CD4: variants seen among roughly 807,000 people sequenced by gnomAD.
CD4 encodes T-cell surface glycoprotein CD4.
Under a neutral mutation model 50.5 loss-of-function variants are expected in CD4, and 25 were observed. The observed-to-expected ratio is 0.49, with a 90% confidence interval of 0.36 to 0.69. The LOEUF is 0.69. Ranked by LOEUF, CD4 falls within the 30% of genes least tolerant of loss-of-function variation. The pLI is 0.00. For synonymous variants in CD4, 207 were observed against 221.9 expected (o/e 0.93, Z 0.60); for missense variants, 456 against 548.5 (o/e 0.83, Z 1.68).
intron 3 of CD4, among the ~76,000 whole-genome samples, chr12:6,805,427 G>A (rs1289319814): frequency 2.0e-5 from 3 of 151,762 alleles, no homozygotes; most frequent in East Asian, 3.9e-4. Flanking sequence ...GGCAGGTGTT[G>A]TGGCGCATGC....
In CD4 at chr12:6,794,776, TTTTTTTTTTG is replaced by T. The variant is rs1457546724; in HGVS notation, c.-68+5124_-68+5133del. On this transcript the variant is annotated intron_variant, in intron 1 of 9. Transcript: ENST00000011653. Reference sequence around the variant, plus strand: ...TCTAATCTATCTGTCTGTATGTCTGTTTTTTTTTTGTTTTTTTTTTTTTTTTGAGATAGAG... The same window carrying T: ...TCTAATCTATCTGTCTGTATGTCTGTTTTTTTTTTTTTTTTTGAGATAGAG... 3.2e-5 allele frequency among the ~76,000 whole-genome samples: 4 copies of T among 126,156 alleles called. 1 individual carries two copies. The highest frequency in any genetic ancestry group is 5.1e-5 in the Non-Finnish European group (3 of 58,568). The allele number at this position is 126,156 out of a possible 152,430, so 82.8% of individuals were successfully genotyped here.
In CD4 at chr12:6,818,312, C is replaced by CT. The variant is rs1943158941; in HGVS notation, c.1157-109_1157-108insT. ...CCCCAGGCACCCCTCCCCTCTCCCC[C>CT]AACCCCAGGGTCAAACCAGAGACTG... On this transcript the variant is annotated intron_variant, in intron 7 of 9. Transcript: ENST00000011653. This position sits in a 1 kb window ranked among gnomAD's most constrained non-coding sequence, Gnocchi z 5.0. The CT allele has an allele frequency of 2.1e-6, 3 of 1,453,862 alleles. No individual in the cohort carries two copies. The Admixed American group carries it at 5.5e-5, about 27-fold the overall frequency. The allele number at this position is 1,453,862 out of a possible 1,614,324, so 90.1% of individuals were successfully genotyped here.
intron 3 of CD4, among the ~76,000 whole-genome samples, chr12:6,811,776 G>T (rs1005498541): frequency 6.6e-6 from 1 of 151,164 alleles, no homozygotes; most frequent in Non-Finnish European, 1.5e-5. Flanking sequence ...CTCCCAAAGT[G>T]CTGGGATTTC....
Position 6,817,191 on chromosome 12 carries a change from G to A in CD4, c.1017G>A (p.Met339Ile). 6.2e-7 allele frequency: 1 copy of A among 1,614,078 alleles called. No homozygotes were observed. ...EVWGPTSPKL[M>I]LSLKLENKEA... ...GGGGACCCACCTCCCCTAAGCTGATGCTGAGTTTGAAACTGGAGAACAAGG... is the reference window on the plus strand; with the variant it reads ...GGGGACCCACCTCCCCTAAGCTGATACTGAGTTTGAAACTGGAGAACAAGG... The change falls in exon 7 of 10, where the codon ATG becomes ATA. Residue 339 changes from methionine (M) to isoleucine (I), a missense_variant. Physicochemically the swap from Met to Ile is conservative, Grantham distance 10. Coordinates refer to ENST00000011653, the MANE Select transcript of CD4 (RefSeq NM_000616.5).
In CD4 at chr12:6,800,909, T is replaced by A. The variant is rs1282410556; in HGVS notation, c.214+438T>A. On this transcript the variant is annotated intron_variant, in intron 3 of 9. Transcript: ENST00000011653. ...CTCTGTCTCTATGAAAAAAAATATA[T>A]ATATATTTTTTTTGGAGACAAGGTC... is the stretch of plus-strand genomic sequence containing the variant. Among the ~76,000 whole-genome samples the A allele has an allele frequency of 4.0e-5, 6 of 149,698 alleles. No homozygotes were observed. The East Asian group carries it at 7.9e-4, about 20-fold the overall frequency.
chr12:6,793,662 A>C (rs1942244466), intron 1 of CD4, among the ~76,000 whole-genome samples: 1 of 54,456 alleles, frequency 1.8e-5, no homozygotes, highest in African/African-American at 7.4e-5. Flanking sequence ...CTATCTATCT[A>C]TCTATCTATC....
rs1942781110 is a variant in CD4, at chr12:6,806,964, G to A, written c.214+6493G>A. ...GGGTGGATCACGAGGTCAGGAGATC[G>A]AGACCATCCTGGCTAACACGGTGAA... On this transcript the variant is annotated intron_variant, in intron 3 of 9. Coordinates refer to ENST00000011653, the MANE Select transcript of CD4 (RefSeq NM_000616.5). Among the ~76,000 whole-genome samples the A allele has an allele frequency of 3.9e-5, 6 of 152,238 alleles. No homozygotes were observed. In the South Asian group the frequency reaches 1.0e-3, roughly 26 times the overall value.
In CD4 at chr12:6,816,194, AG is replaced by A; in HGVS notation, c.747del (p.Lys249AsnfsTer8). On this transcript the variant is annotated frameshift_variant, in exon 6 of 10. Transcript: ENST00000011653. LOFTEE classifies it high-confidence loss of function. This position sits in a 1 kb window ranked among gnomAD's most constrained non-coding sequence, Gnocchi z 4.9. ...WWQAERASSS[K>X]SWITFDLKNK... Reference sequence around the variant, plus strand: ...CAGGCGGAGAGGGCTTCCTCCTCCAAGTCTTGGATCACCTTTGACCTGAAGA... The same window carrying A: ...CAGGCGGAGAGGGCTTCCTCCTCCAATCTTGGATCACCTTTGACCTGAAGA... 1 of 1,614,148 alleles carries A rather than the reference AG, an allele frequency of 6.2e-7. No individual in the cohort carries two copies. Among genetic ancestry groups the A allele is most frequent in the Non-Finnish European group, 8.5e-7 (1 of 1,180,008 alleles).
At chr12:6,790,102 G>A (rs1942111007) in intron 1 of CD4, among the ~76,000 whole-genome samples, 1 of 149,988 alleles carries the variant, frequency 6.7e-6, no homozygotes, top group African/African-American at 2.5e-5. Flanking sequence ...ATAAATATAA[G>A]GTGGGAGGAA....
Position 6,818,585 on chromosome 12 carries a change from C to T in CD4, c.1278+43C>T, listed in dbSNP as rs1555118511. 6.2e-7 allele frequency: 1 copy of T among 1,610,398 alleles called. No individual in the cohort carries two copies. Among genetic ancestry groups the T allele is most frequent in the Non-Finnish European group, 8.5e-7 (1 of 1,179,330 alleles). On this transcript the variant is annotated intron_variant, in intron 8 of 9. Transcript: ENST00000011653. The surrounding 1 kb of genome is among the most constrained non-coding windows in gnomAD (Gnocchi z 5.0). ...TGGTCCCCACAAGGCCCTCAAACCC[C>T]TGAGTCCTCTACCAGGAGATCCTGT... is the stretch of plus-strand genomic sequence containing the variant.
chr12:6,794,068 GATCT>G (rs1470025960), intron 1 of CD4, among the ~76,000 whole-genome samples: 4 of 141,334 alleles, frequency 2.8e-5, no homozygotes, highest in African/African-American at 1.1e-4. Flanking sequence ...CTTATCTATT[GATCT>G]ATCTATCTTT....
Position 6,814,168 on chromosome 12 carries a change from G to A in CD4, c.241G>A (p.Asp81Asn). 6.2e-7 allele frequency: 1 copy of A among 1,614,074 alleles called. No homozygotes were observed. Among genetic ancestry groups the A allele is most frequent in the Non-Finnish European group, 8.5e-7 (1 of 1,179,992 alleles). Reference protein sequence around the residue: ...KGPSKLNDRADSRRSLWDQGN... With the variant: ...KGPSKLNDRANSRRSLWDQGN... ...TCCATCCAAGCTGAATGATCGCGCT[G>A]ACTCAAGAAGAAGCCTTTGGGACCA... is the stretch of plus-strand genomic sequence containing the variant. Residue 81 changes from aspartate (D) to asparagine (N), a missense_variant, in exon 4 of 10, where the codon GAC (aspartate) becomes AAC (asparagine). Coordinates refer to ENST00000011653, the MANE Select transcript of CD4 (RefSeq NM_000616.5).
At position 6,809,890 on chromosome 12, in the gene CD4, C is replaced by CTTTT. The variant is rs33952514; in HGVS notation, c.215-4238_215-4235dup. ...CGTCTCTAGTCCATTGCCTATACCTCTTTTTTTTTTTTTTTTTGAGATGGA... is the reference window on the plus strand; with the variant it reads ...CGTCTCTAGTCCATTGCCTATACCTCTTTTTTTTTTTTTTTTTTTTTGAGATGGA... On this transcript the variant is annotated intron_variant, in intron 3 of 9. Coordinates refer to ENST00000011653, the MANE Select transcript of CD4 (RefSeq NM_000616.5). 1.3e-3 allele frequency among the ~76,000 whole-genome samples: 170 copies of CTTTT among 125,958 alleles called. 7 individuals carry two copies. The highest frequency in any genetic ancestry group is 3.3e-3 in the South Asian group (13 of 3,946). The allele number at this position is 125,958 out of a possible 152,430, so 82.6% of individuals were successfully genotyped here.
intron 1 of CD4, chr12:6,799,261 A>G (rs911914497): frequency 3.3e-4 from 50 of 152,376 alleles, no homozygotes; most frequent in African/African-American, 1.2e-3. Context: ...TGCGAATGGT[A>G]TCAGCATCAC....
At chr12:6,796,783 G>T (rs780676132) in intron 1 of CD4, among the ~76,000 whole-genome samples, 1 of 152,192 alleles carries the variant, frequency 6.6e-6, no homozygotes, top group Non-Finnish European at 1.5e-5. Context: ...GGAGTTCCAG[G>T]CTGCAATGAC....
At chr12:6,807,190 A>AG (rs1423509934) in intron 3 of CD4, among the ~76,000 whole-genome samples, 1 of 150,488 alleles carries the variant, frequency 6.6e-6, no homozygotes, top group Admixed American at 6.6e-5. Context: ...CAAACAAACA[A>AG]AAAACATGCA....
At chr12:6,815,743 G>A (rs1034832054) in intron 5 of CD4, 84 of 1,369,722 alleles carry the variant, frequency 6.1e-5, no homozygotes, top group African/African-American at 2.6e-4. Context: ...TGATGAATAC[G>A]CCTCTAAGGA....
At position 6,817,254 on chromosome 12, in the gene CD4, G is replaced by A. The variant is rs34841304; in HGVS notation, c.1080G>A (p.Val360=). 2.4e-4 allele frequency: 391 copies of A among 1,605,604 alleles called. 1 individual carries two copies. In the African/African-American group the frequency reaches 4.1e-3, roughly 17 times the overall value. Residue 360 remains valine (V), a synonymous_variant, in exon 7 of 10, where the codon GTG becomes GTA. Coordinates refer to ENST00000011653, the MANE Select transcript of CD4 (RefSeq NM_000616.5). The part of the protein sequence containing the change: ...KVSKREKAVW[V]LNPEAGMWQC... ...CGAAGCGGGAGAAGGCGGTGTGGGT[G>A]CTGAACCCTGAGGCGGGGATGTGGC...
intron 3 of CD4, among the ~76,000 whole-genome samples, chr12:6,801,498 C>T (rs1555115246): frequency 7.7e-6 from 1 of 129,844 alleles, no homozygotes; most frequent in African/African-American, 2.8e-5. Flanking sequence ...GCCTGGGTGA[C>T]AGAGCAAGAC....
Sources: allele counts gnomAD v4.1 joint callset (sites outside exome capture counted in the v4.1 genomes callset), GRCh38; gene constraint gnomAD v4.1.1; non-coding constraint Gnocchi (gnomAD v3.1); transcripts MANE v1.5; gene names NCBI Gene and HGNC (gene_info 2026-07-23, HGNC 2026-07-21).